GRIK5: variants seen among roughly 807,000 people sequenced by gnomAD.
GRIK5 encodes the protein glutamate receptor ionotropic, kainate 5.
In GRIK5, 43 loss-of-function variants were observed where a neutral mutation model predicts 97.4. The observed-to-expected ratio is 0.44, with a 90% CI of 0.35 to 0.57. The LOEUF is 0.57. Ranked by LOEUF, GRIK5 falls within the 20% of genes least tolerant of loss-of-function variation. The pLI is 0.01. For missense variants in GRIK5, 1,015 were observed against 1,382.0 expected (o/e 0.73, Z 4.21); for synonymous variants, 580 against 583.5 (o/e 0.99, Z 0.09).
chr19:42,037,154 C>A (rs1199273158), intron 12 of GRIK5, among the ~76,000 whole-genome samples: 1 of 152,220 alleles, frequency 6.6e-6, no homozygotes, highest in Non-Finnish European at 1.5e-5. Context: ...AATGCGCTCT[C>A]ATTTAATTGC....
intron 15 of GRIK5, among the ~76,000 whole-genome samples, chr19:42,008,582 AC>A (rs1287465915): frequency 2.0e-5 from 3 of 151,110 alleles, no homozygotes; most frequent in African/African-American, 7.3e-5. Context: ...AACCGAGATC[AC>A]CACTGCACTC....
In GRIK5 at chr19:42,003,554, C is replaced by T; in HGVS notation, c.2392+1G>A. 1 of 1,609,770 alleles carries T rather than the reference C, an allele frequency of 6.2e-7. No homozygotes were observed. Among genetic ancestry groups the T allele is most frequent in the Non-Finnish European group, 8.5e-7 (1 of 1,177,756 alleles). On this transcript the variant is annotated splice_donor_variant, in intron 18 of 19. Transcript: ENST00000593562. LOFTEE classifies it high-confidence loss of function. This position sits in a 1 kb window ranked among gnomAD's most constrained non-coding sequence, Gnocchi z 4.2. ...AGGGGACACCATACGCGGGAACTGA[C>T]CTTTAGCTCGATGGTCCTCCTCCTT...
chr19:42,051,697 A>G (rs2076118786), intron 11 of GRIK5, among the ~76,000 whole-genome samples: 1 of 152,216 alleles, frequency 6.6e-6, no homozygotes, highest in African/African-American at 2.4e-5. Context: ...TGAATCTCCA[A>G]GTGCCTGACA....
intron 12 of GRIK5, among the ~76,000 whole-genome samples, chr19:42,023,932 C>T (rs930409212): frequency 6.6e-6 from 1 of 152,200 alleles, no homozygotes; most frequent in Non-Finnish European, 1.5e-5. Context: ...TAAGACAAAA[C>T]CTTCTCATGG....
intron 15 of GRIK5, among the ~76,000 whole-genome samples, chr19:42,018,961 T>G (rs935386008): frequency 6.6e-6 from 1 of 152,102 alleles, no homozygotes; most frequent in Non-Finnish European, 1.5e-5. Context: ...CTCAAACATC[T>G]GCTGAATGAG....
In GRIK5 at chr19:42,065,312, T is replaced by C. The variant is rs147295235; in HGVS notation, c.155A>G (p.Asn52Ser). The change falls in exon 3 of 20, where the codon AAC becomes AGC. Residue 52 changes from asparagine (N) to serine (S), a missense_variant. Physicochemically the swap from Asn to Ser is conservative, Grantham distance 46. This residue lies in a region of GRIK5 where 198 missense variants were observed against 218.2 expected (regional missense o/e 0.91). Coordinates refer to ENST00000593562, the MANE Select transcript of GRIK5 (RefSeq NM_002088.5). This position sits in a 1 kb window ranked among gnomAD's most constrained non-coding sequence, Gnocchi z 5.8. The stretch of plus-strand genomic sequence containing the variant: ...CTTGGCTGGGACCTCGATGATCCCG[T>C]TGATCTGCTCCCGGGCCAAGGCCAA... Reference protein sequence around the residue: ...LALALAREQINGIIEVPAKAR... With the variant: ...LALALAREQISGIIEVPAKAR... 14 of 1,612,700 alleles carry C rather than the reference T, an allele frequency of 8.7e-6. No individual in the cohort carries two copies. Among genetic ancestry groups the C allele is most frequent in the Admixed American group, 3.3e-5 (2 of 59,960 alleles).
chr19:41,999,175 A>G lies in GRIK5; in HGVS notation c.2639T>C (p.Val880Ala). Residue 880 changes from valine to alanine, a missense_variant, in exon 20 of 20, where the codon GTC (valine) becomes GCC (alanine). Val to Ala is a moderately conservative substitution (Grantham distance 64). Around this residue, in one of 5 missense-constraint regions of GRIK5, gnomAD observed 229 missense variants for 341.0 expected, o/e 0.67. Coordinates refer to ENST00000593562, the MANE Select transcript of GRIK5 (RefSeq NM_002088.5). The surrounding 1 kb of genome is among the most constrained non-coding windows in gnomAD (Gnocchi z 5.0). ...PSRALLSLRAVREMRLSNGKL... is the reference protein window; with the variant it reads ...PSRALLSLRAAREMRLSNGKL... ...GCCGTTGCTGAGGCGCATCTCGCGG[A>G]CCGCGCGCAGTGACAGCAGGGCCCG... 1.3e-6 allele frequency: 2 copies of G among 1,507,800 alleles called. No homozygotes were observed. Among genetic ancestry groups the G allele is most frequent in the Non-Finnish European group, 1.8e-6 (2 of 1,136,480 alleles). The allele number at this position is 1,507,800 out of a possible 1,614,324, so 93.4% of individuals were successfully genotyped here. A position where few individuals can be genotyped will look rare whatever the true frequency, so the allele number is the denominator to read the frequency against.
intron 15 of GRIK5, among the ~76,000 whole-genome samples, chr19:42,010,550 C>T (rs1830451508): frequency 6.6e-6 from 1 of 152,164 alleles, no homozygotes; most frequent in African/African-American, 2.4e-5. Flanking sequence ...AAACTGTCAA[C>T]CTAGAATTCC....
At chr19:42,031,498 A>G (rs1207353417) in intron 12 of GRIK5, among the ~76,000 whole-genome samples, 1 of 152,176 alleles carries the variant, frequency 6.6e-6, no homozygotes, top group African/African-American at 2.4e-5. Flanking sequence ...GGGTGGGACC[A>G]TGGCCCCATC....
chr19:42,053,557 G>T, intron 11 of GRIK5, 45 bp downstream of exon 11: 1 of 1,150,318 alleles, frequency 8.7e-7, no homozygotes, highest in Non-Finnish European at 1.3e-6. Context: ...CTAGGACTGG[G>T]CTCAGGGCAG....
intron 15 of GRIK5, among the ~76,000 whole-genome samples, chr19:42,008,933 T>C (rs1025610171): frequency 6.6e-6 from 1 of 152,032 alleles, no homozygotes; most frequent in African/African-American, 2.4e-5. Flanking sequence ...GCAGAAAAGA[T>C]GAGGGAATTT....
intron 8 of GRIK5, 88 bp from the exon 9 acceptor site, chr19:42,054,560 C>A (rs2076158951): frequency 1.1e-5 from 16 of 1,460,450 alleles, no homozygotes; most frequent in Admixed American, 5.6e-5. Context: ...CACCCTCAAA[C>A]CCTCAAATAA....
chr19:42,054,311 C>T lies in GRIK5; in HGVS notation c.1056+9G>A, dbSNP rs1234550835. On this transcript the variant is annotated intron_variant, in intron 9 of 19. Coordinates refer to ENST00000593562, the MANE Select transcript of GRIK5 (RefSeq NM_002088.5). ...CCTGCCTCCTCCACCCATCCCCGCT[C>T]GGGCTCACCATGCGCAGGTAGTTCA... 5.0e-6 allele frequency: 8 copies of T among 1,602,200 alleles called. No individual in the cohort carries two copies. The highest frequency in any genetic ancestry group is 2.2e-5 in the East Asian group (1 of 44,564).
chr19:42,066,475 A>G (rs902637531), intron 1 of GRIK5, among the ~76,000 whole-genome samples: 40 of 139,306 alleles, frequency 2.9e-4, no homozygotes, highest in African/African-American at 1.1e-3. Flanking sequence ...AAAAGGGGGA[A>G]AAAAAAAAAA....
intron 11 of GRIK5, among the ~76,000 whole-genome samples, chr19:42,050,439 C>T (rs1000715397): frequency 1.3e-5 from 2 of 151,840 alleles, no homozygotes; most frequent in East Asian, 2.0e-4. Flanking sequence ...ACGGGCAGAT[C>T]ACGAGGTCAG....
At chr19:42,061,296 G>A (rs1383760660) in intron 5 of GRIK5, among the ~76,000 whole-genome samples, 1 of 152,088 alleles carries the variant, frequency 6.6e-6, no homozygotes, top group East Asian at 1.9e-4. Flanking sequence ...CGCCCGCCTC[G>A]GCCTCCCAAA....
chr19:42,068,689 G>C, intron 1 of GRIK5: 1 of 445,726 alleles, frequency 2.2e-6, no homozygotes, highest in Non-Finnish European at 4.0e-6. Context: ...AGTTCTGACA[G>C]AGAGAGGGAT....
chr19:42,019,688 G>A (rs1312927338), intron 15 of GRIK5, among the ~76,000 whole-genome samples: 1 of 152,190 alleles, frequency 6.6e-6, no homozygotes, highest in Non-Finnish European at 1.5e-5. Context: ...AAGGAAGTTA[G>A]AGAGAGAGAT....
chr19:42,065,562 G>C lies in GRIK5; in HGVS notation c.79+130C>G. 1 of 977,712 alleles carries C rather than the reference G, an allele frequency of 1.0e-6. No individual in the cohort carries two copies. The highest frequency in any genetic ancestry group is 2.5e-5 in the Admixed American group (1 of 39,494). 60.6% of individuals were successfully genotyped at this position (977,712 alleles called of 1,614,324 possible). A position where few individuals can be genotyped will look rare whatever the true frequency, so the allele number is the denominator to read the frequency against. On this transcript the variant is annotated intron_variant, in intron 2 of 19. Transcript: ENST00000593562. This position sits in a 1 kb window ranked among gnomAD's most constrained non-coding sequence, Gnocchi z 5.8. ...GGACTCCTGGGTCCTGGGGGAAGGA[G>C]GAACTGGAGGCTGGGATTCCTTGCT...
Sources: gnomAD v4.1 joint callset for allele counts (sites outside exome capture counted in the v4.1 genomes callset) on GRCh38, gnomAD v4.1.1 for gene constraint, gnomAD v4.1.1 regional missense constraint, Gnocchi (gnomAD v3.1) non-coding constraint, MANE v1.5 for transcripts, NCBI Gene and HGNC (gene_info 2026-07-23, HGNC 2026-07-21) for gene names.